The following CABCOCO1 variants were observed in gnomAD, a reference collection of about 807,000 sequenced individuals.
CABCOCO1 encodes the protein ciliary-associated calcium-binding coiled-coil protein 1.
CABCOCO1 carries 28 observed loss-of-function variants against 35.7 expected under a neutral mutation model. The observed-to-expected ratio is 0.78, with a 90% CI of 0.58 to 1.07. The LOEUF (loss-of-function observed/expected upper bound fraction) is 1.07. Ranked by LOEUF, CABCOCO1 falls within the 50% of genes least tolerant of loss-of-function variation. The pLI, the probability that CABCOCO1 is intolerant of heterozygous loss-of-function variation, is 0.00. For missense variants in CABCOCO1, 326 were observed against 309.2 expected (o/e 1.05, Z -0.41); for synonymous variants, 95 against 100.1 (o/e 0.95, Z 0.30).
In CABCOCO1 at chr10:61,766,007, G is replaced by C; in HGVS notation, c.885G>C (p.Lys295Asn). Residue 295 changes from lysine to asparagine, a missense_variant, in exon 8 of 8, where the codon AAG becomes AAC. By Grantham distance (94) the Lys-to-Asn change is moderately conservative. Transcript: ENST00000648843. The stretch of plus-strand genomic sequence containing the variant: ...ATGCACGAATAGAAAAATTGAAAAA[G>C]GCCTAAGGACTTGGTACAAGGAGAG... ...AFNARIEKLK[K>N]A The C allele has an allele frequency of 6.2e-7, 1 of 1,612,226 alleles. No individual in the cohort carries two copies. The highest frequency in any genetic ancestry group is 2.2e-5 in the East Asian group (1 of 44,846).
At chr10:61,717,307 C>T (rs1428624195) in intron 5 of CABCOCO1, among the ~76,000 whole-genome samples, 1 of 152,102 alleles carries the variant, frequency 6.6e-6, no homozygotes, top group Non-Finnish European at 1.5e-5. Flanking sequence ...TTAATCTATT[C>T]ATTTCATATT....
intron 5 of CABCOCO1, among the ~76,000 whole-genome samples, chr10:61,709,165 T>A (rs928389468): frequency 6.6e-6 from 1 of 152,176 alleles, no homozygotes; most frequent in Non-Finnish European, 1.5e-5. Context: ...ATAAGAGAGA[T>A]ACGTAGTTGA....
At chr10:61,733,749 G>A (rs1200768119) in intron 5 of CABCOCO1, among the ~76,000 whole-genome samples, 7 of 151,984 alleles carry the variant, frequency 4.6e-5, no homozygotes, top group Admixed American at 3.3e-4. Context: ...AGACTTGTCA[G>A]CATTTTATCT....
intron 7 of CABCOCO1, 66 bp from the exon 8 acceptor site, chr10:61,765,873 C>A: frequency 6.8e-7 from 1 of 1,462,578 alleles, no homozygotes; most frequent in South Asian, 1.2e-5. Context: ...ATGTCAAAAC[C>A]ACAAAGACAA....
intron 5 of CABCOCO1, among the ~76,000 whole-genome samples, chr10:61,725,500 A>G (rs531540131): frequency 6.6e-6 from 1 of 151,970 alleles, no homozygotes; most frequent in South Asian, 2.1e-4. Context: ...TGAGCAAACT[A>G]TCAGAAGGAC....
intron 5 of CABCOCO1, among the ~76,000 whole-genome samples, chr10:61,749,003 T>C (rs942714302): frequency 1.3e-5 from 2 of 152,224 alleles, no homozygotes; most frequent in African/African-American, 4.8e-5. Context: ...ATATCAGCCA[T>C]GAAAATTATT....
intron 1 of CABCOCO1, among the ~76,000 whole-genome samples, chr10:61,664,927 A>G (rs1839119865): frequency 6.6e-6 from 1 of 152,182 alleles, no homozygotes; most frequent in South Asian, 2.1e-4. Context: ...CTCAGATCAA[A>G]TTCTTTACAA....
At chr10:61,757,824 T>C (rs1378349710) in intron 5 of CABCOCO1, among the ~76,000 whole-genome samples, 2 of 151,614 alleles carry the variant, frequency 1.3e-5, no homozygotes, top group South Asian at 2.1e-4. Context: ...AATGAGAGAA[T>C]TGGACACAAA....
At chr10:61,681,085 A>G (rs1839777490) in intron 2 of CABCOCO1, 58 bp from the exon 3 acceptor site, 1 of 1,100,024 alleles carries the variant, frequency 9.1e-7, no homozygotes, top group Non-Finnish European at 1.2e-6. Flanking sequence ...AAACTTAGGA[A>G]AGAAATGGTT....
At chr10:61,714,421 C>T in intron 5 of CABCOCO1, among the ~76,000 whole-genome samples, 1 of 151,912 alleles carries the variant, frequency 6.6e-6, no homozygotes, top group Non-Finnish European at 1.5e-5. Context: ...ATTAGTCTTG[C>T]TAGTGGTCTA....
chr10:61,749,758 G>C (rs961352175), intron 5 of CABCOCO1, among the ~76,000 whole-genome samples: 19 of 152,122 alleles, frequency 1.2e-4, no homozygotes, highest in African/African-American at 4.1e-4. Context: ...GATAGATCCG[G>C]GTTCTATTTC....
At position 61,681,084 on chromosome 10, in the gene CABCOCO1, A is replaced by G. The variant is rs1374073034; in HGVS notation, c.165-59A>G. The G allele has an allele frequency of 2.7e-6, 3 of 1,093,250 alleles. No homozygotes were observed. The East Asian group carries it at 1.0e-4, about 36-fold the overall frequency. The allele number at this position is 1,093,250 out of a possible 1,614,324, so 67.7% of individuals were successfully genotyped here. A position where few individuals can be genotyped will look rare whatever the true frequency, so the allele number is the denominator to read the frequency against. ...AAAAGACCTGTTTTCAAAACTTAGG[A>G]AAGAAATGGTTCAATATCTAATCTG... On this transcript the variant is annotated intron_variant, in intron 2 of 7. Transcript: ENST00000648843.
chr10:61,738,536 T>C (rs1379078610), intron 5 of CABCOCO1, among the ~76,000 whole-genome samples: 18 of 152,226 alleles, frequency 1.2e-4, no homozygotes, highest in Non-Finnish European at 1.5e-5. Flanking sequence ...ATATTGCTAG[T>C]AAACAAAAAT....
chr10:61,728,439 T>C (rs758973641), intron 5 of CABCOCO1, among the ~76,000 whole-genome samples: 16 of 152,228 alleles, frequency 1.1e-4, no homozygotes, highest in Non-Finnish European at 1.6e-4. Context: ...CCCCTGCAGA[T>C]CTCTGGGCAA....
At chr10:61,682,103 A>T (rs1004060359) in intron 3 of CABCOCO1, among the ~76,000 whole-genome samples, 1 of 152,098 alleles carries the variant, frequency 6.6e-6, no homozygotes, top group Non-Finnish European at 1.5e-5. Context: ...GAAAGTAAAA[A>T]TTTTCATGGA....
In CABCOCO1 at chr10:61,698,191, C is replaced by A. The variant is rs181697686; in HGVS notation, c.552+7570C>A. On this transcript the variant is annotated intron_variant, in intron 5 of 7. Coordinates refer to ENST00000648843, the MANE Select transcript of CABCOCO1 (RefSeq NM_001366906.2). ...ATATAAAAACATAAGATTAAGTCTGCTTTAATAATTTTTCTAACTTACAAA... is the reference window on the plus strand; with the variant it reads ...ATATAAAAACATAAGATTAAGTCTGATTTAATAATTTTTCTAACTTACAAA... Among the ~76,000 whole-genome samples the A allele has an allele frequency of 1.1e-3, 170 of 152,232 alleles. 1 individual carries two copies. The highest frequency in any genetic ancestry group is 3.9e-3 in the African/African-American group (161 of 41,574).
intron 5 of CABCOCO1, among the ~76,000 whole-genome samples, chr10:61,733,455 T>C (rs1345612262): frequency 6.6e-6 from 1 of 152,066 alleles, no homozygotes; most frequent in Non-Finnish European, 1.5e-5. Flanking sequence ...GACTCACTAT[T>C]TAAGGTGTTT....
intron 1 of CABCOCO1, among the ~76,000 whole-genome samples, chr10:61,668,657 A>G (rs761077325): frequency 7.9e-5 from 12 of 151,910 alleles, no homozygotes; most frequent in Non-Finnish European, 1.5e-4. Context: ...CAAATATTTG[A>G]CTATTTTATT....
intron 7 of CABCOCO1, 58 bp from the exon 8 acceptor site, chr10:61,765,881 C>A (rs934010816): frequency 5.4e-6 from 8 of 1,487,332 alleles, no homozygotes; most frequent in African/African-American, 4.2e-5. Flanking sequence ...ACCACAAAGA[C>A]AATGTGCAGC....
Sources: gnomAD v4.1 joint callset for allele counts (sites outside exome capture counted in the v4.1 genomes callset) on GRCh38, gnomAD v4.1.1 for gene constraint, MANE v1.5 for transcripts, NCBI Gene and HGNC (gene_info 2026-07-23, HGNC 2026-07-21) for gene names.